DNM3: variants seen among roughly 807,000 people sequenced by gnomAD.
DNM3 encodes the protein dynamin 3.
DNM3 carries 47 observed loss-of-function variants against 101.6 expected under a neutral mutation model. That is an observed-to-expected ratio of 0.46 (90% CI 0.37 to 0.59). DNM3 has a LOEUF of 0.59. Ranked by LOEUF, DNM3 falls within the 20% of genes least tolerant of loss-of-function variation. The pLI, the probability that DNM3 is intolerant of heterozygous loss-of-function variation, is 0.00. For synonymous variants in DNM3, 385 were observed against 387.9 expected, an observed-to-expected ratio of 0.99 and a Z score of 0.09; for missense variants, 849 against 1,085.7, an observed-to-expected ratio of 0.78 and a Z score of 3.06.
intron 10 of DNM3, among the ~76,000 whole-genome samples, chr1:172,056,820 A>G (rs2050671575): frequency 6.6e-6 from 1 of 152,256 alleles, no homozygotes; most frequent in Non-Finnish European, 1.5e-5. Context: ...GTTCCTCACC[A>G]GCAAAGGAAC....
At chr1:171,851,603 G>T (rs551522096) in intron 1 of DNM3, among the ~76,000 whole-genome samples, 1 of 152,162 alleles carries the variant, frequency 6.6e-6, no homozygotes, top group East Asian at 1.9e-4. Context: ...TAGTAGAGAC[G>T]GGGTTTCGCT....
At chr1:172,336,040 A>T (rs1288091597) in intron 17 of DNM3, among the ~76,000 whole-genome samples, 1 of 152,166 alleles carries the variant, frequency 6.6e-6, no homozygotes, top group Non-Finnish European at 1.5e-5. Flanking sequence ...TGAATTTAGC[A>T]ATGTCTAAAG....
intron 4 of DNM3, among the ~76,000 whole-genome samples, chr1:172,027,811 C>A (rs1325356023): frequency 2.0e-5 from 3 of 151,882 alleles, no homozygotes; most frequent in Admixed American, 6.6e-5. Flanking sequence ...CAACAAAGAT[C>A]AAAAAAGACA....
chr1:172,274,772 C>A (rs1037027047), intron 15 of DNM3, among the ~76,000 whole-genome samples: 2 of 147,454 alleles, frequency 1.4e-5, no homozygotes, highest in African/African-American at 5.0e-5. Flanking sequence ...AATGCAAGGT[C>A]CTATTGCACG....
chr1:172,030,176 C>T (rs1052881526), intron 4 of DNM3, among the ~76,000 whole-genome samples: 10 of 152,150 alleles, frequency 6.6e-5, no homozygotes, highest in African/African-American at 2.4e-4. Context: ...GCTACAGTAA[C>T]CAAAACAGCA....
chr1:172,023,426 T>C (rs889800475), intron 4 of DNM3, among the ~76,000 whole-genome samples: 12 of 152,130 alleles, frequency 7.9e-5, no homozygotes, highest in Non-Finnish European at 1.5e-4. Flanking sequence ...TTATTGAAAA[T>C]TTAGAATTCT....
intron 15 of DNM3, among the ~76,000 whole-genome samples, chr1:172,280,507 A>G (rs1227109861): frequency 1.3e-5 from 2 of 152,226 alleles, no homozygotes; most frequent in Non-Finnish European, 2.9e-5. Flanking sequence ...GATTATGAAT[A>G]TGCTACAGCT....
In DNM3 at chr1:172,408,104, G is replaced by T; in HGVS notation, c.*263G>T. On this transcript the variant is annotated 3_prime_UTR_variant, in exon 21 of 21. Coordinates refer to ENST00000627582, the MANE Select transcript of DNM3 (RefSeq NM_015569.5). ...TTGTATAGCAGCCCTATACTTTGGG[G>T]ATCATTTGCCTACCATGGCATATAT... 8.1e-7 allele frequency: 1 copy of T among 1,238,042 alleles called. No homozygotes were observed. Among genetic ancestry groups the T allele is most frequent in the Non-Finnish European group, 1.0e-6 (1 of 984,888 alleles). 76.7% of individuals were successfully genotyped at this position (1,238,042 alleles called of 1,614,324 possible).
chr1:172,221,689 G>T (rs1043627446), intron 14 of DNM3, among the ~76,000 whole-genome samples: 1 of 152,024 alleles, frequency 6.6e-6, no homozygotes, highest in Admixed American at 6.6e-5. Flanking sequence ...TGGTCATCTC[G>T]TGAGGACTTC....
At chr1:172,269,745 C>G (rs6701929) in intron 15 of DNM3, among the ~76,000 whole-genome samples, 115,855 of 152,092 alleles carry the variant, frequency 0.76, 44,182 homozygotes, top group African/African-American at 0.8. Context: ...CTGCAGCTTC[C>G]TTTTAGCCAG....
Position 172,092,841 on chromosome 1 carries a change from G to C in DNM3, c.1511G>C (p.Ser504Thr). The C allele has an allele frequency of 6.4e-7, 1 of 1,559,370 alleles. No homozygotes were observed. The highest frequency in any genetic ancestry group is 1.4e-5 in the African/African-American group (1 of 73,602). ...TTTCTCAGTGCTCAGCAGAGGAGCAGTCAGGTTCACAAGAAAACCACAGTT... is the reference window on the plus strand; with the variant it reads ...TTTCTCAGTGCTCAGCAGAGGAGCACTCAGGTTCACAAGAAAACCACAGTT... ...IGFANAQQRS[S>T]QVHKKTTVGN... The change falls in exon 13 of 21, where the codon AGT becomes ACT. Residue 504 changes from serine (S) to threonine (T), a missense_variant. Coordinates refer to ENST00000627582, the MANE Select transcript of DNM3 (RefSeq NM_015569.5).
chr1:171,952,649 A>C (rs1421186161), intron 2 of DNM3, among the ~76,000 whole-genome samples: 1 of 152,164 alleles, frequency 6.6e-6, no homozygotes, highest in Non-Finnish European at 1.5e-5. Flanking sequence ...ATACAGTAGA[A>C]GTTTGTATTC....
intron 14 of DNM3, chr1:172,144,401 T>C (rs1014494043): frequency 9.0e-6 from 2 of 221,938 alleles, no homozygotes; most frequent in Non-Finnish European, 1.9e-5. Context: ...TTCTCAGCAG[T>C]GTCCCCGAGG....
intron 10 of DNM3, among the ~76,000 whole-genome samples, chr1:172,063,512 G>A (rs538659365): frequency 6.6e-6 from 1 of 151,992 alleles, no homozygotes; most frequent in Admixed American, 6.6e-5. Context: ...CTTTCTCTCA[G>A]AACATGTATA....
chr1:172,333,659 GA>G (rs1229863980), intron 17 of DNM3, among the ~76,000 whole-genome samples: 1 of 151,906 alleles, frequency 6.6e-6, no homozygotes, highest in Non-Finnish European at 1.5e-5. Flanking sequence ...TAAATTATTG[GA>G]ATATGCAGAA....
intron 1 of DNM3, among the ~76,000 whole-genome samples, chr1:171,842,447 T>C (rs568082230): frequency 6.6e-6 from 1 of 152,318 alleles, no homozygotes; most frequent in African/African-American, 2.4e-5. Flanking sequence ...TTCCCCACCA[T>C]TCTCCTCCCG....
At chr1:172,191,427 T>G (rs2059718868) in intron 14 of DNM3, among the ~76,000 whole-genome samples, 2 of 152,194 alleles carry the variant, frequency 1.3e-5, no homozygotes, top group South Asian at 4.1e-4. Flanking sequence ...AGCCTTGTAG[T>G]ATAGTTTGAA....
chr1:172,098,557 G>A (rs1292577107), intron 13 of DNM3, among the ~76,000 whole-genome samples: 2 of 152,128 alleles, frequency 1.3e-5, no homozygotes, highest in Admixed American at 1.3e-4. Flanking sequence ...CTCAGCTTAC[G>A]AAGATGACGG....
intron 14 of DNM3, among the ~76,000 whole-genome samples, chr1:172,153,870 C>G (rs1156475995): frequency 6.6e-6 from 1 of 152,028 alleles, no homozygotes; most frequent in East Asian, 1.9e-4. Context: ...CATTAAGTGT[C>G]TTCAGAAGGG....
Sources: allele counts gnomAD v4.1 joint callset (sites outside exome capture counted in the v4.1 genomes callset), GRCh38; gene constraint gnomAD v4.1.1; transcripts MANE v1.5; gene names NCBI Gene and HGNC (gene_info 2026-07-23, HGNC 2026-07-21).